CCNT1: variants seen among roughly 807,000 people sequenced by gnomAD.
CCNT1 encodes the protein cyclin-T1.
CCNT1 carries 18 observed loss-of-function variants against 67.3 expected under a neutral mutation model. That is an observed-to-expected ratio of 0.27 (90% CI 0.18 to 0.40). CCNT1 has a LOEUF of 0.40. Among genes scored for constraint, CCNT1 ranks in the 10% least tolerant of loss-of-function variants. The pLI, the probability that CCNT1 is intolerant of heterozygous loss-of-function variation, is 1.00. For synonymous variants in CCNT1, 333 were observed against 310.3 expected (o/e 1.07, Z -0.77); for missense variants, 744 against 884.9 (o/e 0.84, Z 2.02).
In CCNT1 at chr12:48,698,118, A is replaced by T; in HGVS notation, c.542+20T>A. ...GTCCTATACCAAAAATCGAAGAGAA[A>T]AAAAAATTAAAATATAAACCTGTTG... is the stretch of plus-strand genomic sequence containing the variant. On this transcript the variant is annotated intron_variant, in intron 6 of 8. Coordinates refer to ENST00000261900, the MANE Select transcript of CCNT1 (RefSeq NM_001240.4). 1 of 1,544,146 alleles carries T rather than the reference A, an allele frequency of 6.5e-7. No homozygotes were observed. The highest frequency in any genetic ancestry group is 8.8e-7 in the Non-Finnish European group (1 of 1,140,554).
intron 2 of CCNT1, among the ~76,000 whole-genome samples, chr12:48,711,666 TTC>T (rs1007391070): frequency 6.6e-6 from 1 of 152,140 alleles, no homozygotes; most frequent in African/African-American, 2.4e-5. Context: ...GCTAACAGGC[TTC>T]TCTCTCTTTT....
In CCNT1 at chr12:48,690,051, G is replaced by C. The variant is rs1287908494; in HGVS notation, c.*2982C>G. On this transcript the variant is annotated 3_prime_UTR_variant, in exon 9 of 9. Coordinates refer to ENST00000261900, the MANE Select transcript of CCNT1 (RefSeq NM_001240.4). ...ACATACACTGATTCATGAATGGGAAGACTAGACTAACACCTAAGTATTTTC... is the reference window on the plus strand; with the variant it reads ...ACATACACTGATTCATGAATGGGAACACTAGACTAACACCTAAGTATTTTC... 1.3e-5 allele frequency: 2 copies of C among 152,250 alleles called. No homozygotes were observed. The highest frequency in any genetic ancestry group is 2.4e-5 in the African/African-American group (1 of 41,468). The allele number at this position is 152,250 out of a possible 1,614,324, so 9.4% of individuals were successfully genotyped here.
intron 5 of CCNT1, 57 bp downstream of exon 5, chr12:48,699,721 A>G: frequency 7.9e-7 from 1 of 1,270,090 alleles, no homozygotes; most frequent in Non-Finnish European, 1.1e-6. Context: ...ACCACAAACC[A>G]CAACCTCTAA....
At chr12:48,713,953 G>A (rs757352319) in intron 2 of CCNT1, among the ~76,000 whole-genome samples, 3 of 151,920 alleles carry the variant, frequency 2.0e-5, no homozygotes, top group Admixed American at 6.6e-5. Context: ...GGAGTGAAGC[G>A]ACTCAATCTT....
At chr12:48,696,588 G>A (rs970573658) in intron 6 of CCNT1, among the ~76,000 whole-genome samples, 3 of 152,062 alleles carry the variant, frequency 2.0e-5, no homozygotes, top group South Asian at 2.1e-4. Context: ...TGTGTAATCC[G>A]TAAATCAAAA....
At chr12:48,695,967 T>C (rs745817806) in intron 7 of CCNT1, 32 bp downstream of exon 7, 2 of 1,611,388 alleles carry the variant, frequency 1.2e-6, no homozygotes, top group Non-Finnish European at 8.5e-7. Context: ...CAACAGCAAG[T>C]GCTTTTCAAG....
chr12:48,712,083 C>T (rs1235659495), intron 2 of CCNT1, among the ~76,000 whole-genome samples: 6 of 152,150 alleles, frequency 3.9e-5, no homozygotes, highest in Non-Finnish European at 8.8e-5. Context: ...CGTTGAGCCA[C>T]GGCACCTGGC....
rs1940052799 is a variant in CCNT1, at chr12:48,690,330, G to C, written c.*2703C>G. ...GAGAAACAAAAAGCCATATTTATCA[G>C]ACTAACTTTGGATGTATAAATCTCA... On this transcript the variant is annotated 3_prime_UTR_variant, in exon 9 of 9. Coordinates refer to ENST00000261900, the MANE Select transcript of CCNT1 (RefSeq NM_001240.4). 1 of 152,144 alleles carries C rather than the reference G, an allele frequency of 6.6e-6. No individual in the cohort carries two copies. Among genetic ancestry groups the C allele is most frequent in the Non-Finnish European group, 1.5e-5 (1 of 68,040 alleles). 9.4% of individuals were successfully genotyped at this position (152,144 alleles called of 1,614,324 possible). A position where few individuals can be genotyped will look rare whatever the true frequency, so the allele number is the denominator to read the frequency against.
intron 2 of CCNT1, among the ~76,000 whole-genome samples, chr12:48,706,784 T>C (rs186363018): frequency 1.1e-4 from 17 of 152,320 alleles, no homozygotes; most frequent in Admixed American, 9.2e-4. Context: ...AGAACTGATA[T>C]TCTAATACTT....
chr12:48,712,147 A>G (rs1174663848), intron 2 of CCNT1, among the ~76,000 whole-genome samples: 1 of 152,068 alleles, frequency 6.6e-6, no homozygotes, highest in Non-Finnish European at 1.5e-5. Flanking sequence ...GTTACTCCCA[A>G]TACTGTTTCT....
In CCNT1 at chr12:48,695,858, G is replaced by A. The variant is rs763859084; in HGVS notation, c.707-29C>T. On this transcript the variant is annotated intron_variant, in intron 7 of 8. Transcript: ENST00000261900. ...CAAGTAAAACAGAACATTCAAGAAAGACTGAGAGAAACAGAAGTAATGAAA... is the reference window on the plus strand; with the variant it reads ...CAAGTAAAACAGAACATTCAAGAAAAACTGAGAGAAACAGAAGTAATGAAA... 5 of 1,567,046 alleles carry A rather than the reference G, an allele frequency of 3.2e-6. No individual in the cohort carries two copies. The South Asian group carries it at 5.6e-5, about 17-fold the overall frequency.
chr12:48,714,685 A>G (rs1482853654), intron 1 of CCNT1, among the ~76,000 whole-genome samples, 161 bp from the exon 2 acceptor site: 1 of 152,248 alleles, frequency 6.6e-6, no homozygotes, highest in Non-Finnish European at 1.5e-5. Flanking sequence ...GTTTTCTTTC[A>G]CCAAATTATT....
intron 5 of CCNT1, among the ~76,000 whole-genome samples, chr12:48,699,131 T>C (rs1161921366): frequency 3.3e-5 from 5 of 152,158 alleles, no homozygotes. Context: ...CTTCTCAATA[T>C]TAACATACAC....
At chr12:48,699,413 A>G (rs1940229959) in intron 5 of CCNT1, among the ~76,000 whole-genome samples, 1 of 152,232 alleles carries the variant, frequency 6.6e-6, no homozygotes. Context: ...AAGGGATTGT[A>G]TATCATGGAA....
chr12:48,703,190 G>A (rs886992431), intron 3 of CCNT1, among the ~76,000 whole-genome samples: 12 of 151,890 alleles, frequency 7.9e-5, no homozygotes, highest in South Asian at 4.2e-4. Flanking sequence ...CAAGGCGGGC[G>A]GATCACAAGG....
chr12:48,705,659 T>C (rs1023420436), intron 3 of CCNT1, 109 bp downstream of exon 3: 4 of 841,824 alleles, frequency 4.8e-6, no homozygotes, highest in Admixed American at 2.7e-5. Flanking sequence ...ATCGAAGTTA[T>C]AAAATTAAGT....
Position 48,716,665 on chromosome 12 carries a change from T to C in CCNT1, c.11A>G (p.Glu4Gly). 1 of 1,613,970 alleles carries C rather than the reference T, an allele frequency of 6.2e-7. No individual in the cohort carries two copies. The highest frequency in any genetic ancestry group is 8.5e-7 in the Non-Finnish European group (1 of 1,179,874). MEGERKNNNKRWYF... is the reference protein window; with the variant it reads MEGGRKNNNKRWYF... ...CCACCGTTTGTTGTTGTTCTTCCTC[T>C]CTCCCTCCATAGTGCTTCAACCAGA... The change falls in exon 1 of 9, where the codon GAG (glutamate) becomes GGG (glycine). Residue 4 changes from glutamate to glycine, a missense_variant. By Grantham distance (98) the Glu-to-Gly change is moderately conservative (BLOSUM62 -2). Coordinates refer to ENST00000261900, the MANE Select transcript of CCNT1 (RefSeq NM_001240.4).
chr12:48,698,309 C>A (rs759871119), intron 5 of CCNT1, 126 bp from the exon 6 acceptor site: 8 of 598,384 alleles, frequency 1.3e-5, no homozygotes, highest in African/African-American at 3.8e-5. Flanking sequence ...GCAAATGAGA[C>A]ACACATGGTC....
Position 48,714,527 on chromosome 12 carries a change from G to A in CCNT1, c.162-3C>T. The stretch of plus-strand genomic sequence containing the variant: ...CAGTGTTGATAGTCAATTGTGAGCT[G>A]AAGTGTTCAAGTTAAGATCCAAAAA... On this transcript the variant is annotated splice_region_variant and splice_polypyrimidine_tract_variant and intron_variant, in intron 1 of 8. Transcript: ENST00000261900. The A allele has an allele frequency of 2.5e-6, 4 of 1,598,862 alleles. No individual in the cohort carries two copies. Among genetic ancestry groups the A allele is most frequent in the Non-Finnish European group, 3.4e-6 (4 of 1,166,376 alleles).
Sources: allele counts gnomAD v4.1 joint callset (sites outside exome capture counted in the v4.1 genomes callset), GRCh38; gene constraint gnomAD v4.1.1; transcripts MANE v1.5; gene names NCBI Gene and HGNC (gene_info 2026-07-23, HGNC 2026-07-21).